Variants in LRRC37A observed in about 807,000 individuals in gnomAD.
The protein encoded by LRRC37A is leucine rich repeat containing 37A, also known as leucine-rich repeat-containing protein 37A.
In LRRC37A, 3 loss-of-function variants were observed where a neutral mutation model predicts 35.4. The ratio of observed to expected loss-of-function variants is 0.08; its 90% CI spans 0.04 to 0.22. The LOEUF is 0.22. Ranked by LOEUF, LRRC37A falls within the 10% of genes least tolerant of loss-of-function variation. The pLI is 1.00. For missense variants in LRRC37A, 67 were observed against 565.3 expected (o/e 0.12, Z 8.94); for synonymous variants, 23 against 215.0 (o/e 0.11, Z 7.81).
At chr17:46,273,111 A>C in the LRRC37A span, among the ~76,000 whole-genome samples, 1 of 152,260 alleles carries the variant, frequency 6.6e-6, no homozygotes, top group Non-Finnish European at 1.5e-5. Flanking sequence ...TGCTGCAACA[A>C]ATTTTAAATG....
chr17:46,275,861 A>G, the LRRC37A span, among the ~76,000 whole-genome samples: 2 of 152,222 alleles, frequency 1.3e-5, no homozygotes, highest in Non-Finnish European at 1.5e-5. Context: ...TAAAGTCCAG[A>G]AAGTCTCCCA....
At chr17:46,276,034 G>A in the LRRC37A span, among the ~76,000 whole-genome samples, 1 of 152,138 alleles carries the variant, frequency 6.6e-6, no homozygotes, top group African/African-American at 2.4e-5. Flanking sequence ...GGGATTACAG[G>A]TGCCTGCCAC....
chr17:46,258,271 C>T, the LRRC37A span, among the ~76,000 whole-genome samples: 1 of 151,456 alleles, frequency 6.6e-6, no homozygotes, highest in Non-Finnish European at 1.5e-5. Context: ...AGTGCAGCGG[C>T]ACGATCCCAG....
upstream of LRRC37A, among the ~76,000 whole-genome samples, chr17:46,291,848 A>C (rs2532421): frequency 0.14 from 21,266 of 150,790 alleles, 1,866 homozygotes; most frequent in Non-Finnish European, 0.21. Context: ...GTAGTCCCAG[A>C]TACTTGGGAA....
the LRRC37A span, among the ~76,000 whole-genome samples, chr17:46,269,830 TTTTTG>T: frequency 6.6e-6 from 1 of 152,226 alleles, no homozygotes; most frequent in African/African-American, 2.4e-5. Context: ...CACCTGTTTA[TTTTTG>T]TTTTGTTTTG....
chr17:46,312,755 G>A (rs2050868061), intron 5 of LRRC37A, among the ~76,000 whole-genome samples: 1 of 63,816 alleles, frequency 1.6e-5, no homozygotes, highest in Admixed American at 1.7e-4. Flanking sequence ...CCTAGTTTGA[G>A]AATCCATACT....
At chr17:46,289,983 G>A (rs1298735570), upstream of LRRC37A, among the ~76,000 whole-genome samples, 11 of 152,228 alleles carry the variant, frequency 7.2e-5, no homozygotes, top group Admixed American at 2.6e-4. Context: ...GCCAGGTGTG[G>A]TGGCGCATGC....
the LRRC37A span, chr17:46,259,439 G>A: frequency 2.8e-6 from 3 of 1,071,376 alleles, no homozygotes; most frequent in East Asian, 5.2e-5. Flanking sequence ...CTGGGCCCAT[G>A]CCCCTCCCCA....
the LRRC37A span, among the ~76,000 whole-genome samples, chr17:46,252,327 C>T: frequency 1.3e-5 from 2 of 148,820 alleles, no homozygotes; most frequent in African/African-American, 4.9e-5. Context: ...ACCTCAGCCT[C>T]CCAAGTAGCT....
At chr17:46,257,114 G>C in the LRRC37A span, among the ~76,000 whole-genome samples, 1 of 152,060 alleles carries the variant, frequency 6.6e-6, no homozygotes, top group Non-Finnish European at 1.5e-5. Context: ...CTGTAAAACA[G>C]GGTAATAAGT....
chr17:46,270,131 A>G, the LRRC37A span, among the ~76,000 whole-genome samples: 1 of 152,244 alleles, frequency 6.6e-6, no homozygotes, highest in Non-Finnish European at 1.5e-5. Flanking sequence ...GACTGCCTAA[A>G]GAGAGACAGG....
upstream of LRRC37A, among the ~76,000 whole-genome samples, chr17:46,290,757 T>C (rs995627899): frequency 2.8e-4 from 42 of 152,220 alleles, no homozygotes; most frequent in Admixed American, 6.5e-4. Context: ...TCTGAAGCTA[T>C]AGTTTTATAG....
the LRRC37A span, among the ~76,000 whole-genome samples, chr17:46,255,897 G>A: frequency 3.3e-5 from 5 of 150,042 alleles, no homozygotes; most frequent in East Asian, 2.1e-4. Flanking sequence ...GGATGGTCTC[G>A]ATCTCCTGAC....
the LRRC37A span, chr17:46,268,373 A>G: frequency 1.1e-5 from 8 of 757,222 alleles, no homozygotes; most frequent in Non-Finnish European, 1.4e-5. Flanking sequence ...TTGCCTGTAG[A>G]CTAAATATCA....
chr17:46,251,234 G>A, the LRRC37A span, among the ~76,000 whole-genome samples: 1 of 151,990 alleles, frequency 6.6e-6, no homozygotes, highest in Non-Finnish European at 1.5e-5. Flanking sequence ...TATCTGGGCA[G>A]AGGTCAAGGA....
chr17:46,271,058 C>T, the LRRC37A span, among the ~76,000 whole-genome samples: 3 of 152,124 alleles, frequency 2.0e-5, no homozygotes, highest in South Asian at 2.1e-4. Flanking sequence ...AAATACTTCT[C>T]GGTTGGCTCT....
At chr17:46,256,178 C>T in the LRRC37A span, among the ~76,000 whole-genome samples, 2 of 151,958 alleles carry the variant, frequency 1.3e-5, no homozygotes, top group African/African-American at 4.8e-5. Context: ...TGAGATCAGG[C>T]GTTTGAGACC....
At chr17:46,266,459 C>T in the LRRC37A span, among the ~76,000 whole-genome samples, 1 of 152,192 alleles carries the variant, frequency 6.6e-6, no homozygotes. Context: ...GAAATCCCTG[C>T]GGCTCGGTTT....
the LRRC37A span, among the ~76,000 whole-genome samples, chr17:46,263,625 C>T: frequency 2.0e-5 from 3 of 150,880 alleles, no homozygotes; most frequent in South Asian, 2.1e-4. Context: ...GAGGCTGAGC[C>T]GGGCAGATCA....
Sources: allele counts gnomAD v4.1 joint callset (sites outside exome capture counted in the v4.1 genomes callset), GRCh38; gene constraint gnomAD v4.1.1; transcripts MANE v1.5; gene names NCBI Gene and HGNC (gene_info 2026-07-23, HGNC 2026-07-21).